SHISA9: variants seen among roughly 807,000 people sequenced by gnomAD.
SHISA9 encodes protein shisa-9.
In SHISA9, 13 loss-of-function variants were observed where a neutral mutation model predicts 38.0. That is an observed-to-expected ratio of 0.34 (90% CI 0.22 to 0.54). The LOEUF (loss-of-function observed/expected upper bound fraction) is 0.54, where lower values mean the gene tolerates loss of function less well. Ranked by LOEUF, SHISA9 falls within the 20% of genes least tolerant of loss-of-function variation. SHISA9 has a pLI of 0.91. For synonymous variants in SHISA9, 275 were observed against 242.0 expected, an observed-to-expected ratio of 1.14 and a Z score of -1.27; for missense variants, 538 against 575.8, an observed-to-expected ratio of 0.93 and a Z score of 0.67.
chr16:13,007,356 C>T (rs547216041), intron 2 of SHISA9, among the ~76,000 whole-genome samples: 17 of 152,184 alleles, frequency 1.1e-4, no homozygotes, highest in Admixed American at 5.9e-4. Context: ...CCTCCCACCC[C>T]CAATAGGCCT....
intron 2 of SHISA9, among the ~76,000 whole-genome samples, chr16:12,960,008 A>G (rs1415906840): frequency 1.3e-5 from 2 of 152,366 alleles, no homozygotes; most frequent in Admixed American, 6.5e-5. Context: ...TTCTAATTAT[A>G]TAGTATTTGG....
chr16:13,030,072 C>A (rs138230151), intron 2 of SHISA9, among the ~76,000 whole-genome samples: 1 of 152,194 alleles, frequency 6.6e-6, no homozygotes, highest in Non-Finnish European at 1.5e-5. Flanking sequence ...ACAGTAAGCA[C>A]TTGATCAATG....
chr16:13,264,843 T>C, the SHISA9 span, among the ~76,000 whole-genome samples: 1 of 152,090 alleles, frequency 6.6e-6, no homozygotes, highest in African/African-American at 2.4e-5. Flanking sequence ...CAATAAATAA[T>C]GTCAAGAAAG....
At chr16:13,027,048 A>C (rs928782411) in intron 2 of SHISA9, among the ~76,000 whole-genome samples, 2 of 152,084 alleles carry the variant, frequency 1.3e-5, no homozygotes, top group African/African-American at 4.8e-5. Context: ...TCCCTCCCCC[A>C]CTGCTGTATC....
At chr16:13,439,938 C>T in the SHISA9 span, among the ~76,000 whole-genome samples, 1 of 152,164 alleles carries the variant, frequency 6.6e-6, no homozygotes, top group African/African-American at 2.4e-5. Context: ...AGCGATTTAC[C>T]AGCATGGGCA....
intron 1 of SHISA9, chr16:12,910,847 C>A: frequency 1.9e-6 from 1 of 529,890 alleles, no homozygotes; most frequent in Non-Finnish European, 2.4e-6. Flanking sequence ...GGCCGACAGG[C>A]AGGAGAATTC....
chr16:13,125,418 C>T (rs895261239), intron 2 of SHISA9, among the ~76,000 whole-genome samples: 3 of 152,154 alleles, frequency 2.0e-5, no homozygotes, highest in Non-Finnish European at 4.4e-5. Flanking sequence ...AGCAGTGTGT[C>T]TTTGGGCAGG....
At chr16:13,068,294 C>T (rs951771418) in intron 2 of SHISA9, among the ~76,000 whole-genome samples, 12 of 152,192 alleles carry the variant, frequency 7.9e-5, no homozygotes, top group Admixed American at 5.9e-4. Flanking sequence ...TAAAATGAGC[C>T]AACAGTAGTC....
intron 2 of SHISA9, among the ~76,000 whole-genome samples, chr16:13,114,262 C>A (rs928199637): frequency 2.0e-5 from 3 of 151,724 alleles, no homozygotes; most frequent in African/African-American, 7.3e-5. Context: ...GTCAGGAGAT[C>A]GAGACCATCC....
the SHISA9 span, among the ~76,000 whole-genome samples, chr16:13,259,796 A>T: frequency 6.6e-6 from 1 of 152,046 alleles, no homozygotes; most frequent in African/African-American, 2.4e-5. Context: ...TGCACACAGC[A>T]TGGGCACCCT....
chr16:13,265,512 C>T, the SHISA9 span, among the ~76,000 whole-genome samples: 1 of 130,504 alleles, frequency 7.7e-6, no homozygotes, highest in Non-Finnish European at 1.6e-5. Flanking sequence ...CCCTCCTCTT[C>T]CCTTCCCTTC....
intron 2 of SHISA9, among the ~76,000 whole-genome samples, chr16:13,176,712 A>T (rs145486511): frequency 6.6e-6 from 1 of 151,624 alleles, no homozygotes. Flanking sequence ...TTTTTTCCCC[A>T]AGAAGTAAAA....
the SHISA9 span, among the ~76,000 whole-genome samples, chr16:13,333,786 G>T: frequency 6.6e-6 from 1 of 152,264 alleles, no homozygotes; most frequent in East Asian, 1.9e-4. Context: ...CAGCAAAAAG[G>T]GAGGGGGAAG....
At chr16:13,451,921 C>T in the SHISA9 span, among the ~76,000 whole-genome samples, 1 of 152,162 alleles carries the variant, frequency 6.6e-6, no homozygotes, top group African/African-American at 2.4e-5. Flanking sequence ...ATTCATTCAC[C>T]TGGCTTCAAG....
At chr16:13,457,762 G>C in the SHISA9 span, among the ~76,000 whole-genome samples, 1 of 151,854 alleles carries the variant, frequency 6.6e-6, no homozygotes, top group Non-Finnish European at 1.5e-5. Flanking sequence ...TTTATGCTTA[G>C]GAGTGTCCTC....
intron 2 of SHISA9, among the ~76,000 whole-genome samples, chr16:13,104,350 A>G (rs2073906632): frequency 6.6e-6 from 1 of 152,030 alleles, no homozygotes; most frequent in South Asian, 2.1e-4. Flanking sequence ...CCTCCTAGGC[A>G]TCCACCCAAG....
chr16:13,392,179 A>C, the SHISA9 span, among the ~76,000 whole-genome samples: 1 of 152,072 alleles, frequency 6.6e-6, no homozygotes, highest in African/African-American at 2.4e-5. Context: ...GTGTCTTCCT[A>C]ATATTCTTAT....
the SHISA9 span, among the ~76,000 whole-genome samples, chr16:13,517,081 T>C: frequency 1.3e-5 from 2 of 152,200 alleles, no homozygotes; most frequent in East Asian, 3.8e-4. Context: ...GGGGTCATAC[T>C]GGTGAGCCTT....
the SHISA9 span, among the ~76,000 whole-genome samples, chr16:13,509,438 C>G: frequency 1.3e-5 from 2 of 152,096 alleles, no homozygotes; most frequent in Non-Finnish European, 2.9e-5. Flanking sequence ...GCAGACATGT[C>G]CTGCACAATT....
Sources: gnomAD v4.1 joint callset for allele counts (sites outside exome capture counted in the v4.1 genomes callset) on GRCh38, gnomAD v4.1.1 for gene constraint, MANE v1.5 for transcripts, NCBI Gene and HGNC (gene_info 2026-07-23, HGNC 2026-07-21) for gene names.